The following N4BP2L2 variants were observed in gnomAD, a reference collection of about 807,000 sequenced individuals.
The protein encoded by N4BP2L2 is NEDD4 binding protein 2 like 2.
In N4BP2L2, 50 loss-of-function variants were observed where a neutral mutation model predicts 56.2. That is an observed-to-expected ratio of 0.89 (90% confidence interval 0.71 to 1.13). The LOEUF is 1.13. Among genes scored for constraint, N4BP2L2 ranks in the 50% most tolerant of loss-of-function variants. N4BP2L2 has a pLI of 0.00. For missense variants in N4BP2L2, 689 were observed against 693.8 expected (o/e 0.99, Z 0.08); for synonymous variants, 203 against 223.6 (o/e 0.91, Z 0.82).
intron 6 of N4BP2L2, among the ~76,000 whole-genome samples, chr13:32,495,698 T>A (rs1024234196): frequency 6.6e-6 from 1 of 152,142 alleles, no homozygotes; most frequent in Non-Finnish European, 1.5e-5. Context: ...CCTCTTTTTT[T>A]TTTTAAATGG....
At chr13:32,446,013 AT>A (rs1037589339) in intron 6 of N4BP2L2, among the ~76,000 whole-genome samples, 1 of 152,216 alleles carries the variant, frequency 6.6e-6, no homozygotes, top group African/African-American at 2.4e-5. Flanking sequence ...GGACAGAGGA[AT>A]AGAAAAGCAA....
chr13:32,444,080 G>T lies in N4BP2L2; in HGVS notation c.412C>A (p.Gln138Lys), dbSNP rs1185243519. The T allele has an allele frequency of 6.4e-6, 10 of 1,571,636 alleles. No homozygotes were observed. In the East Asian group the frequency reaches 2.0e-4, roughly 32 times the overall value. Reference sequence around the variant, plus strand: ...TTGTTTCTTTTTCTGTTCCTCTTCTGTTTGGTTTTGCTGAGCCTATGCCCA... The same window carrying T: ...TTGTTTCTTTTTCTGTTCCTCTTCTTTTTGGTTTTGCTGAGCCTATGCCCA... Residue 138 changes from glutamine to lysine, a missense_variant, in exon 7 of 10, where the codon CAG becomes AAG. Physicochemically the swap from Gln to Lys is moderately conservative, Grantham distance 53. Transcript: ENST00000357505.
chr13:32,463,373 G>T (rs893591643), intron 6 of N4BP2L2, among the ~76,000 whole-genome samples: 1 of 152,028 alleles, frequency 6.6e-6, no homozygotes, highest in Non-Finnish European at 1.5e-5. Context: ...AGATTAGAAA[G>T]GGCACATAGG....
intron 6 of N4BP2L2, among the ~76,000 whole-genome samples, chr13:32,452,807 T>C (rs2078314830): frequency 6.6e-6 from 1 of 152,190 alleles, no homozygotes; most frequent in Non-Finnish European, 1.5e-5. Flanking sequence ...ATGAGAAATA[T>C]TAAAAACGTT....
At chr13:32,496,209 T>TA (rs1367113016) in intron 6 of N4BP2L2, among the ~76,000 whole-genome samples, 3 of 151,706 alleles carry the variant, frequency 2.0e-5, no homozygotes, top group South Asian at 2.1e-4. Context: ...TTTTTTATTT[T>TA]TTTTTTTTTA....
At chr13:32,529,159 G>C (rs1192987961) in intron 2 of N4BP2L2, among the ~76,000 whole-genome samples, 1 of 152,214 alleles carries the variant, frequency 6.6e-6, no homozygotes, top group Non-Finnish European at 1.5e-5. Context: ...TGAATTCACT[G>C]ATGTGGAATC....
chr13:32,450,232 G>C (rs987629964), intron 6 of N4BP2L2, among the ~76,000 whole-genome samples: 14 of 151,726 alleles, frequency 9.2e-5, no homozygotes, highest in Non-Finnish European at 1.8e-4. Flanking sequence ...AAATTTTTTG[G>C]AAAAAATTGT....
At position 32,510,458 on chromosome 13, in the gene N4BP2L2, C is replaced by T. The variant is rs554556279; in HGVS notation, c.*7344G>A. On this transcript the variant is annotated 3_prime_UTR_variant, in exon 6 of 6. Transcript: ENST00000267068. ...ATCAAGTCTATTGATGTTTAATTTA[C>T]AGAAAACATTTAAACATTAAATAGT... The T allele has an allele frequency of 4.0e-5, 6 of 150,182 alleles. No homozygotes were observed. In the South Asian group the frequency reaches 1.3e-3, roughly 32 times the overall value. 9.3% of individuals were successfully genotyped at this position (150,182 alleles called of 1,614,324 possible). A position where few individuals can be genotyped will look rare whatever the true frequency, so the allele number is the denominator to read the frequency against.
intron 6 of N4BP2L2, among the ~76,000 whole-genome samples, chr13:32,492,813 T>C (rs1411866631): frequency 6.6e-6 from 1 of 151,882 alleles, no homozygotes; most frequent in African/African-American, 2.4e-5. Context: ...AAAGTACAAA[T>C]TAAAAATTTT....
downstream of N4BP2L2, chr13:32,507,545 C>G (rs1174867584): frequency 2.0e-5 from 3 of 152,074 alleles, no homozygotes; most frequent in Admixed American, 1.3e-4. Flanking sequence ...ACTACTAGTA[C>G]TACAGTGAAA....
chr13:32,442,723 CTAGA>C lies in N4BP2L2; in HGVS notation c.1765_1768del (p.Ser589ValfsTer14). The C allele has an allele frequency of 1.2e-6, 2 of 1,613,472 alleles. No homozygotes were observed. The highest frequency in any genetic ancestry group is 2.2e-5 in the East Asian group (1 of 44,854). On this transcript the variant is annotated frameshift_variant, in exon 7 of 10. Transcript: ENST00000357505. LOFTEE classifies it high-confidence loss of function. ...GTTTGTAAAAGATGGCTTCCAAATA[CTAGA>C]TAAATTATGTAGCACAAAAGAAGGA... is the stretch of plus-strand genomic sequence containing the variant.
rs375874823 is a variant in N4BP2L2 at position 32,465,716 on chromosome 13, T to C, written c.366-21590A>G. On this transcript the variant is annotated intron_variant, in intron 6 of 9. Coordinates refer to the N4BP2L2 transcript ENST00000357505. Reference sequence around the variant, plus strand: ...CCACCCAGGCTGGAGTACAATGGCATGATCTCGGCTTACTACAACCTCTGT... The same window carrying C: ...CCACCCAGGCTGGAGTACAATGGCACGATCTCGGCTTACTACAACCTCTGT... Among the ~76,000 whole-genome samples the C allele has an allele frequency of 4.1e-4, 63 of 152,314 alleles. No homozygotes were observed. In the East Asian group the frequency reaches 0.011, roughly 27 times the overall value.
At chr13:32,499,483 T>C (rs947980574) in intron 6 of N4BP2L2, among the ~76,000 whole-genome samples, 1 of 152,192 alleles carries the variant, frequency 6.6e-6, no homozygotes, top group African/African-American at 2.4e-5. Flanking sequence ...ATTGGTAAAG[T>C]CAATGCAGCA....
chr13:32,509,990 T>G (rs2091521419), downstream of N4BP2L2, among the ~76,000 whole-genome samples: 1 of 152,156 alleles, frequency 6.6e-6, no homozygotes, highest in Non-Finnish European at 1.5e-5. Context: ...TTCAAGATTT[T>G]CCTTGTAAAA....
intron 6 of N4BP2L2, among the ~76,000 whole-genome samples, chr13:32,492,328 G>T (rs75481481): frequency 0.055 from 7,712 of 140,244 alleles, 759 homozygotes; most frequent in African/African-American, 0.2. Flanking sequence ...TGTCGGCGAG[G>T]CTGGAGTGCG....
Position 32,447,658 on chromosome 13 carries a change from A to G in N4BP2L2, c.366-3532T>C, listed in dbSNP as rs547611084. 2.0e-5 allele frequency among the ~76,000 whole-genome samples: 3 copies of G among 152,314 alleles called. No individual in the cohort carries two copies. In the East Asian group the frequency reaches 5.8e-4, roughly 29 times the overall value. Reference sequence around the variant, plus strand: ...CTCAAAGTCCAGCTCAGAATAGGCTAATCTGTCATTAAAAAAGAGTTCAGA... The same window carrying G: ...CTCAAAGTCCAGCTCAGAATAGGCTGATCTGTCATTAAAAAAGAGTTCAGA... On this transcript the variant is annotated intron_variant, in intron 6 of 9. Coordinates refer to the N4BP2L2 transcript ENST00000357505.
intron 6 of N4BP2L2, among the ~76,000 whole-genome samples, chr13:32,445,646 G>A (rs2076946711): frequency 6.6e-6 from 1 of 152,212 alleles, no homozygotes; most frequent in Admixed American, 6.5e-5. Context: ...ATGTGTAAAG[G>A]CATTTTTGGT....
At chr13:32,472,004 T>C (rs933436612) in intron 6 of N4BP2L2, among the ~76,000 whole-genome samples, 2 of 152,248 alleles carry the variant, frequency 1.3e-5, no homozygotes, top group African/African-American at 4.8e-5. Context: ...AGCCTCTCTC[T>C]AGGCCTAACT....
intron 1 of N4BP2L2, among the ~76,000 whole-genome samples, chr13:32,537,850 T>C (rs1379691066): frequency 6.6e-6 from 1 of 152,004 alleles, no homozygotes; most frequent in African/African-American, 2.4e-5. Flanking sequence ...GGCGGGCGGA[T>C]TGCTGCTTAG....
Sources: gnomAD v4.1 joint callset for allele counts (sites outside exome capture counted in the v4.1 genomes callset) on GRCh38, gnomAD v4.1.1 for gene constraint, MANE v1.5 for transcripts, NCBI Gene and HGNC (gene_info 2026-07-23, HGNC 2026-07-21) for gene names.